SLC2A12: variants seen among roughly 807,000 people sequenced by gnomAD.
SLC2A12 encodes solute carrier family 2 member 12.
Under a neutral mutation model 41.8 loss-of-function variants are expected in SLC2A12, and 23 were observed. The observed-to-expected ratio is 0.55, with a 90% CI of 0.40 to 0.78. The LOEUF (loss-of-function observed/expected upper bound fraction) is 0.78, where lower values mean the gene tolerates loss of function less well. Ranked by LOEUF, SLC2A12 falls within the 30% of genes least tolerant of loss-of-function variation. SLC2A12 has a pLI of 0.00. For synonymous variants in SLC2A12, 295 were observed against 285.9 expected, an observed-to-expected ratio of 1.03 and a Z score of -0.32; for missense variants, 654 against 745.6, an observed-to-expected ratio of 0.88 and a Z score of 1.43.
intron 1 of SLC2A12, among the ~76,000 whole-genome samples, chr6:134,042,810 C>CA (rs890931713): frequency 1.3e-5 from 2 of 151,764 alleles, no homozygotes; most frequent in African/African-American, 2.4e-5. Flanking sequence ...ATTAAAAATA[C>CA]AAAAAAATTA....
intron 3 of SLC2A12, among the ~76,000 whole-genome samples, chr6:134,005,128 G>A (rs192604738): frequency 5.3e-5 from 8 of 152,296 alleles, no homozygotes; most frequent in Admixed American, 4.6e-4. Flanking sequence ...CAAGGCGAAT[G>A]CTTCTGTTTC....
intron 1 of SLC2A12, among the ~76,000 whole-genome samples, 197 bp from the exon 2 acceptor site, chr6:134,029,918 G>T (rs899153473): frequency 2.0e-5 from 3 of 152,064 alleles, no homozygotes; most frequent in Non-Finnish European, 4.4e-5. Context: ...TCTTTTTTGG[G>T]AGGATAGGCA....
At chr6:134,022,766 C>T (rs963622303) in intron 2 of SLC2A12, among the ~76,000 whole-genome samples, 2 of 152,162 alleles carry the variant, frequency 1.3e-5, no homozygotes, top group African/African-American at 2.4e-5. Context: ...AATGGAGTCA[C>T]TTATGTCAAA....
chr6:134,002,368 C>A (rs1035387013), intron 3 of SLC2A12, among the ~76,000 whole-genome samples: 9 of 151,718 alleles, frequency 5.9e-5, no homozygotes, highest in African/African-American at 2.2e-4. Flanking sequence ...CAATTTACAC[C>A]CAATGTCATC....
intron 2 of SLC2A12, among the ~76,000 whole-genome samples, chr6:134,015,589 G>A (rs1423671152): frequency 2.0e-5 from 3 of 152,216 alleles, no homozygotes; most frequent in Non-Finnish European, 4.4e-5. Flanking sequence ...GGTGGAAGAG[G>A]AAGATGAGCA....
rs1048645084 is a variant in SLC2A12, at chr6:133,988,623, C to G, written c.*2532G>C. 6.6e-6 allele frequency: 1 copy of G among 152,138 alleles called. No homozygotes were observed. The highest frequency in any genetic ancestry group is 1.5e-5 in the Non-Finnish European group (1 of 68,024). The allele number at this position is 152,138 out of a possible 1,614,324, so 9.4% of individuals were successfully genotyped here. On this transcript the variant is annotated 3_prime_UTR_variant, in exon 5 of 5. Transcript: ENST00000275230. ...TTTTTATCTTTTTTCTTCTCAATGCCTTCCCTAACCTCCTGCTTATTCCAA... is the reference window on the plus strand; with the variant it reads ...TTTTTATCTTTTTTCTTCTCAATGCGTTCCCTAACCTCCTGCTTATTCCAA...
chr6:134,048,736 A>G (rs868549358), intron 1 of SLC2A12, among the ~76,000 whole-genome samples: 6 of 152,152 alleles, frequency 3.9e-5, no homozygotes, highest in African/African-American at 1.4e-4. Flanking sequence ...TAATATATAG[A>G]AAGTGTGGAA....
chr6:134,002,038 C>T lies in SLC2A12; in HGVS notation c.1659G>A (p.Lys553=). Residue 553 remains lysine (K), a synonymous_variant, in exon 4 of 5, where the codon AAG becomes AAA. Coordinates refer to ENST00000275230, the MANE Select transcript of SLC2A12 (RefSeq NM_145176.3). ...TTGATATTTGTTCCAAAGAGCATCC[C>T]TTTGTCTCAGGTATAAACATAACAA... is the stretch of plus-strand genomic sequence containing the variant. ...LFVVMFIPET[K]GCSLEQISME... The T allele has an allele frequency of 1.2e-6, 2 of 1,607,862 alleles. No individual in the cohort carries two copies. Among genetic ancestry groups the T allele is most frequent in the Non-Finnish European group, 1.7e-6 (2 of 1,177,982 alleles).
At chr6:134,012,332 T>G (rs1028648290) in intron 2 of SLC2A12, among the ~76,000 whole-genome samples, 1 of 152,184 alleles carries the variant, frequency 6.6e-6, no homozygotes, top group Non-Finnish European at 1.5e-5. Context: ...AAAAATATAC[T>G]AAGGGAAATT....
intron 2 of SLC2A12, among the ~76,000 whole-genome samples, chr6:134,024,012 G>A (rs1034011855): frequency 6.6e-6 from 1 of 152,224 alleles, no homozygotes; most frequent in Non-Finnish European, 1.5e-5. Context: ...CTACAGTGCT[G>A]TGCTTGAGGC....
chr6:134,043,471 G>A (rs1777411893), intron 1 of SLC2A12, among the ~76,000 whole-genome samples: 1 of 152,094 alleles, frequency 6.6e-6, no homozygotes, highest in African/African-American at 2.4e-5. Context: ...TCCCACTTCT[G>A]TCACCACTAC....
At chr6:134,033,462 C>A (rs561967212) in intron 1 of SLC2A12, among the ~76,000 whole-genome samples, 4 of 152,026 alleles carry the variant, frequency 2.6e-5, no homozygotes, top group African/African-American at 9.6e-5. Flanking sequence ...ATTCTTATCT[C>A]TGCTTGTCAT....
chr6:134,049,946 GA>G (rs1211682652), intron 1 of SLC2A12, among the ~76,000 whole-genome samples: 1 of 152,182 alleles, frequency 6.6e-6, no homozygotes, highest in Non-Finnish European at 1.5e-5. Context: ...TAGGAATGTA[GA>G]AAAGCTTGCT....
At position 133,991,317 on chromosome 6, in the gene SLC2A12, GAA is replaced by G. The variant is rs749575716; in HGVS notation, c.1701-11_1701-10del. On this transcript the variant is annotated splice_polypyrimidine_tract_variant and intron_variant, in intron 4 of 4. Coordinates refer to ENST00000275230, the MANE Select transcript of SLC2A12 (RefSeq NM_145176.3). ...TGTTTTTCACATAGTTCCTGAAAGA[GAA>G]AGAGGCACTAATGAAAATGTCATTC... is the stretch of plus-strand genomic sequence containing the variant. 5.0e-4 allele frequency: 800 copies of G among 1,608,402 alleles called. 4 individuals carry two copies. The highest frequency in any genetic ancestry group is 3.3e-4 in the Middle Eastern group (2 of 6,030).
At chr6:134,016,613 G>T (rs182752752) in intron 2 of SLC2A12, among the ~76,000 whole-genome samples, 5 of 151,500 alleles carry the variant, frequency 3.3e-5, no homozygotes, top group African/African-American at 9.7e-5. Flanking sequence ...GCTTTGCTAT[G>T]GATAATAAAC....
At chr6:134,022,997 C>T (rs1037493193) in intron 2 of SLC2A12, among the ~76,000 whole-genome samples, 3 of 152,140 alleles carry the variant, frequency 2.0e-5, no homozygotes, top group Non-Finnish European at 4.4e-5. Context: ...ACTCATGTTA[C>T]CTTTGGTCTT....
chr6:134,011,005 C>G (rs1004507566), intron 2 of SLC2A12, among the ~76,000 whole-genome samples: 2 of 152,164 alleles, frequency 1.3e-5, no homozygotes, highest in African/African-American at 4.8e-5. Context: ...CCTTCCTAAA[C>G]CACCTGGCAT....
chr6:134,023,075 C>G (rs2114465381), intron 2 of SLC2A12, among the ~76,000 whole-genome samples: 1 of 152,250 alleles, frequency 6.6e-6, no homozygotes, highest in Admixed American at 6.5e-5. Flanking sequence ...TGCCCCAACC[C>G]CCAGATATGT....
At chr6:134,039,445 T>C (rs1777350705) in intron 1 of SLC2A12, among the ~76,000 whole-genome samples, 1 of 152,260 alleles carries the variant, frequency 6.6e-6, no homozygotes, top group South Asian at 2.1e-4. Flanking sequence ...TCAGATGCTT[T>C]CCATAATTTA....
Sources: gnomAD v4.1 joint callset for allele counts (sites outside exome capture counted in the v4.1 genomes callset) on GRCh38, gnomAD v4.1.1 for gene constraint, MANE v1.5 for transcripts, NCBI Gene and HGNC (gene_info 2026-07-23, HGNC 2026-07-21) for gene names.